The following UBE3B variants were observed in gnomAD, a reference collection of about 807,000 sequenced individuals.
UBE3B encodes the protein ubiquitin protein ligase E3B.
In UBE3B, 80 loss-of-function variants were observed where a neutral mutation model predicts 132.3. The ratio of observed to expected loss-of-function variants is 0.60; its 90% CI spans 0.50 to 0.73. The LOEUF (loss-of-function observed/expected upper bound fraction) is 0.73, where lower values mean the gene tolerates loss of function less well. Among genes scored for constraint, UBE3B ranks in the 30% least tolerant of loss-of-function variants. The pLI, the probability that UBE3B is intolerant of heterozygous loss-of-function variation, is 0.00. For missense variants in UBE3B, 1,196 were observed against 1,362.5 expected (o/e 0.88, Z 1.92); for synonymous variants, 487 against 520.4 (o/e 0.94, Z 0.87).
chr12:109,546,835 G>A, the UBE3B span, among the ~76,000 whole-genome samples: 10 of 151,844 alleles, frequency 6.6e-5, no homozygotes, highest in East Asian at 1.9e-4. Context: ...TCAGCCTCCC[G>A]AGTGGCTGGA....
At chr12:109,481,104 CAAAA>C (rs1344961435) in intron 1 of UBE3B, among the ~76,000 whole-genome samples, 3 of 104,880 alleles carry the variant, frequency 2.9e-5, no homozygotes, top group African/African-American at 1.1e-4. Flanking sequence ...GACTCCGTCT[CAAAA>C]AAAAAAAAAA....
Position 109,521,048 on chromosome 12 carries a change from G to A in UBE3B, c.2077-100G>A. ...CCACGTTTCATAATTTGCACATTTG[G>A]TAATGATGCTGGGAGAGCTTCGCAC... On this transcript the variant is annotated intron_variant, in intron 19 of 27. Transcript: ENST00000342494. This position sits in a 1 kb window ranked among gnomAD's most constrained non-coding sequence, Gnocchi z 4.2. 7.2e-7 allele frequency: 1 copy of A among 1,380,440 alleles called. No homozygotes were observed. The highest frequency in any genetic ancestry group is 1.4e-5 in the South Asian group (1 of 72,730). 85.5% of individuals were successfully genotyped at this position (1,380,440 alleles called of 1,614,324 possible). A position where few individuals can be genotyped will look rare whatever the true frequency, so the allele number is the denominator to read the frequency against.
Position 109,489,997 on chromosome 12 carries a change from T to C in UBE3B, c.623T>C (p.Val208Ala), listed in dbSNP as rs752671363. 6.2e-7 allele frequency: 1 copy of C among 1,614,214 alleles called. No individual in the cohort carries two copies. Among genetic ancestry groups the C allele is most frequent in the East Asian group, 2.2e-5 (1 of 44,884 alleles). Reference protein sequence around the residue: ...GHLNQHGFYSVLQILLTRGLA... With the variant: ...GHLNQHGFYSALQILLTRGLA... ...CTCAACCAGCATGGATTTTATTCTGTGCTGCAGGTCTGTGACTCCTGCCCC... is the reference window on the plus strand; with the variant it reads ...CTCAACCAGCATGGATTTTATTCTGCGCTGCAGGTCTGTGACTCCTGCCCC... The change falls in exon 8 of 28, where the codon GTG becomes GCG. Residue 208 changes from valine to alanine, a missense_variant. By Grantham distance (64) the Val-to-Ala change is moderately conservative. Coordinates refer to ENST00000342494, the MANE Select transcript of UBE3B (RefSeq NM_130466.4).
At chr12:109,487,838 CTT>C (rs1371828222) in intron 6 of UBE3B, among the ~76,000 whole-genome samples, 1 of 152,202 alleles carries the variant, frequency 6.6e-6, no homozygotes, top group East Asian at 1.9e-4. Flanking sequence ...CTTCCCCTCT[CTT>C]ACTGTCGATG....
chr12:109,482,835 A>G (rs1875714587), intron 2 of UBE3B, among the ~76,000 whole-genome samples: 1 of 152,252 alleles, frequency 6.6e-6, no homozygotes, highest in Non-Finnish European at 1.5e-5. Context: ...TCTACAGTAA[A>G]GTCTTCACTG....
At position 109,477,790 on chromosome 12, in the gene UBE3B, G is replaced by A; in HGVS notation, c.-447G>A. 1 of 167,594 alleles carries A rather than the reference G, an allele frequency of 6.0e-6. No individual in the cohort carries two copies. The highest frequency in any genetic ancestry group is 1.3e-5 in the Non-Finnish European group (1 of 76,736). 10.4% of individuals were successfully genotyped at this position (167,594 alleles called of 1,614,324 possible). Reference sequence around the variant, plus strand: ...GTCGGCCTGCGGGTAGGCCGGTAGGGCCTGCGGTCCGGCCTGCGGGAGAAC... The same window carrying A: ...GTCGGCCTGCGGGTAGGCCGGTAGGACCTGCGGTCCGGCCTGCGGGAGAAC... On this transcript the variant is annotated 5_prime_UTR_variant, in exon 1 of 28. Coordinates refer to ENST00000342494, the MANE Select transcript of UBE3B (RefSeq NM_130466.4).
chr12:109,516,698 CAG>C (rs1359859802), intron 18 of UBE3B, 65 bp from the exon 19 acceptor site: 2 of 1,579,710 alleles, frequency 1.3e-6, no homozygotes, highest in Non-Finnish European at 1.7e-6. Flanking sequence ...GTCATTTTTG[CAG>C]AGTGTTTTTA....
Position 109,483,713 on chromosome 12 carries a change from G to C in UBE3B, c.161+1G>C. 1.3e-6 allele frequency: 2 copies of C among 1,598,948 alleles called. No homozygotes were observed. The highest frequency in any genetic ancestry group is 1.7e-6 in the Non-Finnish European group (2 of 1,173,620). On this transcript the variant is annotated splice_donor_variant, in intron 3 of 27. Coordinates refer to ENST00000342494, the MANE Select transcript of UBE3B (RefSeq NM_130466.4). LOFTEE classifies it high-confidence loss of function. ...GGAGTCGACTGCAGAGAGATATCAG[G>C]TAAGGGCTAGGATCTCCCTAGCACA...
At chr12:109,543,267 G>C in the UBE3B span, among the ~76,000 whole-genome samples, 1 of 152,220 alleles carries the variant, frequency 6.6e-6, no homozygotes, top group Non-Finnish European at 1.5e-5. Context: ...AGAGTGACAG[G>C]TGGAGCTGGA....
chr12:109,524,990 G>C (rs2241208), intron 23 of UBE3B, among the ~76,000 whole-genome samples: 84,857 of 151,702 alleles, frequency 0.56, 24,712 homozygotes, highest in African/African-American at 0.71. Flanking sequence ...CAGCCTCCGC[G>C]CCCTTTGATT....
chr12:109,490,573 T>C, intron 8 of UBE3B: 1 of 1,536,084 alleles, frequency 6.5e-7, no homozygotes, highest in Non-Finnish European at 8.7e-7. Context: ...GAAGCTGGTA[T>C]GACTGGCAGT....
intron 23 of UBE3B, 119 bp downstream of exon 23, chr12:109,524,622 C>G (rs1728868436): frequency 3.7e-6 from 4 of 1,071,764 alleles, no homozygotes; most frequent in African/African-American, 3.1e-5. Context: ...GGTCCCTTGT[C>G]CTCCCCACCC....
intron 21 of UBE3B, 133 bp from the exon 22 acceptor site, chr12:109,523,845 G>C (rs536742081): frequency 2.3e-6 from 3 of 1,310,742 alleles, no homozygotes; most frequent in Non-Finnish European, 3.2e-6. Flanking sequence ...ACTGCCCTCC[G>C]GATTGGAAAC....
intron 17 of UBE3B, 24 bp from the exon 18 acceptor site, chr12:109,511,180 C>G (rs1880323269): frequency 6.2e-7 from 1 of 1,610,420 alleles, no homozygotes; most frequent in Admixed American, 1.7e-5. Flanking sequence ...TTAATTCTCC[C>G]AAACCCATGT....
In UBE3B at chr12:109,495,290, G is replaced by A. The variant is rs142548986; in HGVS notation, c.714-2528G>A. 2.9e-3 allele frequency among the ~76,000 whole-genome samples: 449 copies of A among 152,308 alleles called. 10 individuals carry two copies. The highest frequency in any genetic ancestry group is 0.01 in the African/African-American group (427 of 41,562). On this transcript the variant is annotated intron_variant, in intron 9 of 27. Transcript: ENST00000342494. ...AACACCTCTGCTCATTGCTATTGGA[G>A]CACATTAGCTAGAAGAAACCTTTTT... is the stretch of plus-strand genomic sequence containing the variant.
the UBE3B span, among the ~76,000 whole-genome samples, chr12:109,547,479 G>A: frequency 9.9e-5 from 15 of 152,250 alleles, no homozygotes; most frequent in Non-Finnish European, 1.9e-4. The surrounding 1 kb of genome is among the most constrained non-coding windows in gnomAD (Gnocchi z 4.1). Flanking sequence ...ACACGCACAC[G>A]CATGCATGCA....
Position 109,535,802 on chromosome 12 carries a change from C to G in UBE3B, c.*1020C>G, listed in dbSNP as rs1883380280. The G allele has an allele frequency of 6.6e-6, 1 of 152,196 alleles. No homozygotes were observed. The highest frequency in any genetic ancestry group is 2.1e-4 in the South Asian group (1 of 4,836). The allele number at this position is 152,196 out of a possible 1,614,324, so 9.4% of individuals were successfully genotyped here. A position where few individuals can be genotyped will look rare whatever the true frequency, so the allele number is the denominator to read the frequency against. On this transcript the variant is annotated 3_prime_UTR_variant, in exon 28 of 28. Transcript: ENST00000342494. ...TTGCACTGACAGAGGCTCACACCCT[C>G]TGGGTTTTTTGTTTTTTTTTTAAAC...
chr12:109,536,952 C>G (rs539393486), downstream of UBE3B, among the ~76,000 whole-genome samples: 10 of 152,328 alleles, frequency 6.6e-5, no homozygotes, highest in East Asian at 1.9e-3. Context: ...CACCCACTTC[C>G]CAGAGGCAGC....
chr12:109,543,586 C>T, the UBE3B span, among the ~76,000 whole-genome samples: 1 of 152,216 alleles, frequency 6.6e-6, no homozygotes, highest in South Asian at 2.1e-4. Flanking sequence ...CGCCTGTAAT[C>T]CCAACACTTT....
Sources: allele counts gnomAD v4.1 joint callset (sites outside exome capture counted in the v4.1 genomes callset), GRCh38; gene constraint gnomAD v4.1.1; non-coding constraint Gnocchi (gnomAD v3.1); transcripts MANE v1.5; gene names NCBI Gene and HGNC (gene_info 2026-07-23, HGNC 2026-07-21).